SLC25A26: variants seen among roughly 807,000 people sequenced by gnomAD.
The protein encoded by SLC25A26 is mitochondrial S-adenosylmethionine carrier protein.
Under a neutral mutation model 37.8 loss-of-function variants are expected in SLC25A26, and 36 were observed. The ratio of observed to expected loss-of-function variants is 0.95; its 90% CI spans 0.73 to 1.26. The LOEUF (loss-of-function observed/expected upper bound fraction) is 1.26, where lower values mean the gene tolerates loss of function less well. Among genes scored for constraint, SLC25A26 ranks in the 50% most tolerant of loss-of-function variants. SLC25A26 has a pLI of 0.00. For missense variants in SLC25A26, 390 were observed against 331.1 expected (o/e 1.18, Z -1.38); for synonymous variants, 129 against 122.5 (o/e 1.05, Z -0.35).
chr3:66,346,343 A>ATT, intron 5 of SLC25A26, 21 bp from the exon 6 acceptor site: 31 of 1,334,178 alleles, frequency 2.3e-5, no homozygotes, highest in Admixed American at 1.1e-4. Flanking sequence ...AATTTATTTA[A>ATT]TTTTTTTTTT....
intron 1 of SLC25A26, among the ~76,000 whole-genome samples, chr3:66,168,515 T>C (rs1317616298): frequency 2.6e-5 from 4 of 152,200 alleles, no homozygotes; most frequent in African/African-American, 4.8e-5. Context: ...TTAGAAAGTC[T>C]TGGAGTTTTG....
At chr3:66,145,102 G>C (rs2070096041) in intron 1 of SLC25A26, among the ~76,000 whole-genome samples, 1 of 152,120 alleles carries the variant, frequency 6.6e-6, no homozygotes, top group Non-Finnish European at 1.5e-5. Context: ...AATTAATGGG[G>C]CTGGGGACTG....
rs946803064 is a variant in SLC25A26 at position 66,236,544 on chromosome 3, G to A, written c.34G>A (p.Ala12Thr). 3.5e-6 allele frequency: 5 copies of A among 1,433,268 alleles called. No individual in the cohort carries two copies. The highest frequency in any genetic ancestry group is 4.6e-6 in the Non-Finnish European group (5 of 1,084,362). The allele number at this position is 1,433,268 out of a possible 1,614,324, so 88.8% of individuals were successfully genotyped here. ...DRPGFVAALV[A>T]GGVAGVSVDL... is the part of the protein sequence containing the mutation. ...TTTCTTCCCTCTTTTTTTTTCAAAG[G>A]CTGGTGGGGTAGCAGGTGTTTCTGT... The change falls in exon 2 of 10, where the codon GCT (alanine) becomes ACT (threonine). Residue 12 changes from alanine to threonine, a missense_variant and splice_region_variant. Coordinates refer to ENST00000354883, the MANE Select transcript of SLC25A26 (RefSeq NM_001379210.1).
At chr3:66,236,990 C>A (rs2072322733) in intron 2 of SLC25A26, among the ~76,000 whole-genome samples, 1 of 152,166 alleles carries the variant, frequency 6.6e-6, no homozygotes, top group Non-Finnish European at 1.5e-5. Flanking sequence ...GCGTGCACCA[C>A]CATGCCCAGC....
intron 5 of SLC25A26, among the ~76,000 whole-genome samples, chr3:66,293,823 G>C (rs536855196): frequency 6.6e-6 from 1 of 152,074 alleles, no homozygotes; most frequent in Non-Finnish European, 1.5e-5. Context: ...TGTCTTTGCT[G>C]TTGTGAATAG....
chr3:66,303,794 A>G (rs1410700736), intron 5 of SLC25A26, among the ~76,000 whole-genome samples: 3 of 152,170 alleles, frequency 2.0e-5, no homozygotes, highest in Non-Finnish European at 4.4e-5. Flanking sequence ...TGTTTCACAC[A>G]GTGACAGTCA....
chr3:66,250,637 A>G (rs1284350183), intron 3 of SLC25A26, among the ~76,000 whole-genome samples: 1 of 152,162 alleles, frequency 6.6e-6, no homozygotes, highest in East Asian at 1.9e-4. Flanking sequence ...GGGGTATCAC[A>G]TGCGTTTTCA....
At chr3:66,188,499 G>A (rs1454165683) in intron 1 of SLC25A26, among the ~76,000 whole-genome samples, 2 of 151,976 alleles carry the variant, frequency 1.3e-5, no homozygotes, top group Non-Finnish European at 2.9e-5. Context: ...TTGTTAAAAG[G>A]AGCCCGGTAC....
chr3:66,309,928 C>T (rs574866636), intron 5 of SLC25A26, among the ~76,000 whole-genome samples: 6 of 152,184 alleles, frequency 3.9e-5, no homozygotes, highest in Admixed American at 1.3e-4. Context: ...TTTATGTGGT[C>T]GATTTTAGAA....
intron 1 of SLC25A26, among the ~76,000 whole-genome samples, chr3:66,207,776 T>C (rs2071200052): frequency 1.3e-5 from 2 of 152,230 alleles, no homozygotes; most frequent in African/African-American, 4.8e-5. Flanking sequence ...TTGTAACGCT[T>C]GTGCCAATTT....
rs373470910 is a variant in SLC25A26 at position 66,151,475 on chromosome 3, G to A, written c.-354+17491G>A. Among the ~76,000 whole-genome samples the A allele has an allele frequency of 9.9e-5, 15 of 152,242 alleles. No homozygotes were observed. In the East Asian group the frequency reaches 1.2e-3, roughly 12 times the overall value. On this transcript the variant is annotated intron_variant, in intron 1 of 10. Coordinates refer to the SLC25A26 transcript ENST00000676754. ...CATCACTTGCTTTCTATTAGTTTGC[G>A]GTTCAAGGGAAAAAAATAACTCTAA...
At chr3:66,307,295 A>G (rs2075253585) in intron 5 of SLC25A26, among the ~76,000 whole-genome samples, 1 of 152,148 alleles carries the variant, frequency 6.6e-6, no homozygotes, top group Non-Finnish European at 1.5e-5. Flanking sequence ...TGGCCGCATA[A>G]ATGTCTTCTT....
chr3:66,369,449 C>A (rs1016291965), intron 7 of SLC25A26, 29 bp from the exon 8 acceptor site: 1 of 1,580,176 alleles, frequency 6.3e-7, no homozygotes, highest in African/African-American at 1.3e-5. Context: ...AACAGGATCT[C>A]ACTTGGGTGT....
At chr3:66,361,166 T>C (rs190483375) in intron 6 of SLC25A26, among the ~76,000 whole-genome samples, 7 of 152,338 alleles carry the variant, frequency 4.6e-5, no homozygotes, top group Admixed American at 4.6e-4. Context: ...TCCCAGTCAC[T>C]GGAACAACTG....
chr3:66,357,578 C>T (rs543506559), intron 6 of SLC25A26, among the ~76,000 whole-genome samples: 15 of 152,194 alleles, frequency 9.9e-5, no homozygotes, highest in East Asian at 1.9e-4. Context: ...TCTTCACATT[C>T]GGGCCCCTTA....
intron 5 of SLC25A26, among the ~76,000 whole-genome samples, chr3:66,313,797 G>GT (rs900565963): frequency 2.6e-5 from 4 of 152,026 alleles, no homozygotes; most frequent in Non-Finnish European, 5.9e-5. Flanking sequence ...TGATTTCCTT[G>GT]TGCAGTGGTT....
At position 66,221,173 on chromosome 3, in the gene SLC25A26, G is replaced by A. The variant is rs1553658209; in HGVS notation, c.33+46G>A. The A allele has an allele frequency of 3.3e-6, 5 of 1,500,172 alleles. No individual in the cohort carries two copies. The Admixed American group carries it at 1.2e-4, about 36-fold the overall frequency. 92.9% of individuals were successfully genotyped at this position (1,500,172 alleles called of 1,614,324 possible). ...TGGGTTGCTCAGAGTGCCGGCGTCCGGCATTGGAGCCCGCGGGCGTTCTCT... is the reference window on the plus strand; with the variant it reads ...TGGGTTGCTCAGAGTGCCGGCGTCCAGCATTGGAGCCCGCGGGCGTTCTCT... On this transcript the variant is annotated intron_variant, in intron 1 of 9. Transcript: ENST00000354883.
chr3:66,376,402 A>G (rs1575629742), intron 9 of SLC25A26, among the ~76,000 whole-genome samples: 1 of 152,086 alleles, frequency 6.6e-6, no homozygotes, highest in African/African-American at 2.4e-5. Flanking sequence ...AACAATTACT[A>G]TTTTTAGAAA....
chr3:66,225,004 C>G (rs999480682), intron 1 of SLC25A26, among the ~76,000 whole-genome samples: 2 of 151,964 alleles, frequency 1.3e-5, no homozygotes, highest in African/African-American at 4.8e-5. Context: ...GGATACAGCT[C>G]CCCTCCTGGC....
Sources: allele counts gnomAD v4.1 joint callset (sites outside exome capture counted in the v4.1 genomes callset), GRCh38; gene constraint gnomAD v4.1.1; transcripts MANE v1.5; gene names NCBI Gene and HGNC (gene_info 2026-07-23, HGNC 2026-07-21).